The following DKC1 variants were observed in gnomAD, a reference collection of about 807,000 sequenced individuals.
DKC1 encodes the protein H/ACA ribonucleoprotein complex subunit DKC1.
DKC1 carries 4 observed loss-of-function variants against 46.7 expected under a neutral mutation model. That is an observed-to-expected ratio of 0.09 (90% CI 0.04 to 0.20). DKC1 has a LOEUF of 0.20. Ranked by LOEUF, DKC1 falls within the 10% of genes least tolerant of loss-of-function variation. The pLI, the probability that DKC1 is intolerant of heterozygous loss-of-function variation, is 1.00. For synonymous variants in DKC1, 141 were observed against 142.4 expected (o/e 0.99, Z 0.07); for missense variants, 171 against 404.2 (o/e 0.42, Z 4.95).
At chrX:154,773,744 C>A (rs1428569511) in intron 11 of DKC1, among the ~76,000 whole-genome samples, 1 of 112,401 alleles carries the variant, frequency 8.9e-6, no homozygotes, top group Non-Finnish European at 1.9e-5. Context: ...TCAATCTTTT[C>A]CCCACCTTTC....
Position 154,770,690 on chromosome X carries a change from T to G in DKC1, c.916-69T>G, listed in dbSNP as rs2071812398. On this transcript the variant is annotated intron_variant, in intron 9 of 14. Transcript: ENST00000369550. ...AGGCCCCACTCCCTTGTTGTCCTCC[T>G]TTACTCTGGTGTGGGAGTGGGGTGG... 2.5e-6 allele frequency: 3 copies of G among 1,195,353 alleles called. No homozygotes were observed. In the South Asian group the frequency reaches 5.3e-5, roughly 21 times the overall value.
At chrX:154,766,150 A>G (rs1239166889) in intron 4 of DKC1, 66 bp from the exon 5 acceptor site, 2 of 1,115,273 alleles carry the variant, frequency 1.8e-6, no homozygotes, top group Non-Finnish European at 2.5e-6. Context: ...TTAACTTTTC[A>G]GATTTGTTGT....
intron 10 of DKC1, 34 bp downstream of exon 10, chrX:154,770,913 T>C: frequency 8.4e-7 from 1 of 1,197,441 alleles, no homozygotes. Flanking sequence ...AAATTCTAAA[T>C]GTTTGTGGTT....
In DKC1 at chrX:154,768,238, C is replaced by A. The variant is rs782352934; in HGVS notation, c.641-64C>A. The A allele has an allele frequency of 2.9e-5, 34 of 1,178,488 alleles. No homozygotes were observed. The African/African-American group carries it at 5.8e-4, about 20-fold the overall frequency. On this transcript the variant is annotated intron_variant, in intron 7 of 14. Coordinates refer to ENST00000369550, the MANE Select transcript of DKC1 (RefSeq NM_001363.5). ...TGGTGGCTCAGATGAAGGATAACTG[C>A]ATTTCTCAACCAGTGATGTATTTAC...
Position 154,763,878 on chromosome X carries a change from A to G in DKC1, c.16+897A>G, listed in dbSNP as rs188300620. Among the ~76,000 whole-genome samples the G allele has an allele frequency of 5.4e-5, 6 of 111,884 alleles. No individual in the cohort carries two copies. In the East Asian group the frequency reaches 1.7e-3, roughly 31 times the overall value. On this transcript the variant is annotated intron_variant, in intron 1 of 14. Coordinates refer to ENST00000369550, the MANE Select transcript of DKC1 (RefSeq NM_001363.5). ...TCTAAGCAGAAAAAGGACAGTAAAAATATAGCACAGGGCCGGGCGCGGTGG... is the reference window on the plus strand; with the variant it reads ...TCTAAGCAGAAAAAGGACAGTAAAAGTATAGCACAGGGCCGGGCGCGGTGG...
At chrX:154,768,968 T>C (rs1557264604) in intron 8 of DKC1, among the ~76,000 whole-genome samples, 199 bp from the exon 9 acceptor site, 1 of 80,354 alleles carries the variant, frequency 1.2e-5, no homozygotes, top group Non-Finnish European at 2.2e-5. Flanking sequence ...CAGTCCCACC[T>C]GGGCGACAGA....
chrX:154,776,606 C>G (rs2071899792), intron 14 of DKC1, among the ~76,000 whole-genome samples, 193 bp from the exon 15 acceptor site: 1 of 111,670 alleles, frequency 9.0e-6, no homozygotes, highest in South Asian at 3.8e-4. Context: ...TTTCCACTTC[C>G]AAAAGTAGAC....
chrX:154,775,086 C>A, intron 12 of DKC1, 109 bp from the exon 13 acceptor site: 2 of 745,244 alleles, frequency 2.7e-6, no homozygotes, highest in East Asian at 3.2e-5. Flanking sequence ...TTCTGTCCAG[C>A]GTCAGTATTT....
chrX:154,766,170 G>A (rs937375691), intron 4 of DKC1, 46 bp from the exon 5 acceptor site: 1 of 1,138,671 alleles, frequency 8.8e-7, no homozygotes, highest in African/African-American at 1.8e-5. Flanking sequence ...TTTCACTGGA[G>A]CATTAAGAGT....
intron 2 of DKC1, 143 bp from the exon 3 acceptor site, chrX:154,765,301 C>T (rs782160747): frequency 6.6e-5 from 38 of 579,987 alleles, no homozygotes; most frequent in Non-Finnish European, 9.5e-5. Context: ...TTCATTTCTT[C>T]TCTCTCTTTC....
intron 14 of DKC1, 113 bp from the exon 15 acceptor site, chrX:154,776,686 C>A: frequency 1.3e-6 from 1 of 762,344 alleles, no homozygotes; most frequent in Non-Finnish European, 2.0e-6. Flanking sequence ...AATATCCTTA[C>A]AGGTCCTGAA....
rs1603429509 is a variant in DKC1, at chrX:154,769,320, G to A, written c.915+10G>A. 2 of 1,208,920 alleles carry A rather than the reference G, an allele frequency of 1.7e-6. No individual in the cohort carries two copies. Among genetic ancestry groups the A allele is most frequent in the Non-Finnish European group, 2.2e-6 (2 of 892,962 alleles). On this transcript the variant is annotated intron_variant, in intron 9 of 14. Transcript: ENST00000369550. ...TATGAAAGACAGTGCAGTAAGTTCC[G>A]GGTTAGGAGTTTATATTTGGAAAGA...
intron 9 of DKC1, among the ~76,000 whole-genome samples, chrX:154,770,013 G>C (rs2071801105): frequency 9.0e-6 from 1 of 111,415 alleles, no homozygotes; most frequent in African/African-American, 3.3e-5. Flanking sequence ...TATAAATTCT[G>C]CACCAAGACT....
chrX:154,766,219 A>C lies in DKC1; in HGVS notation c.267A>C (p.Thr89=), dbSNP rs782604353. ...LKREIGDYIR[T]GFINLDKPSN... ...ATTTTTTTTTTTTCCATTCCAGGAC[A>C]GGTTTCATTAATCTTGACAAGCCCT... is the stretch of plus-strand genomic sequence containing the variant. The change falls in exon 5 of 15, where the codon ACA becomes ACC. Residue 89 remains threonine (T), a synonymous_variant. Transcript: ENST00000369550. The C allele has an allele frequency of 2.4e-5, 29 of 1,206,108 alleles. No homozygotes were observed. The highest frequency in any genetic ancestry group is 4.4e-5 in the Admixed American group (2 of 45,489).
chrX:154,765,218 C>A, intron 2 of DKC1: 1 of 477,643 alleles, frequency 2.1e-6, no homozygotes, highest in Non-Finnish European at 3.7e-6. Context: ...CACCCACAGA[C>A]CCGCCATCCC....
intron 11 of DKC1, among the ~76,000 whole-genome samples, chrX:154,773,473 A>G (rs2071851357): frequency 1.8e-5 from 2 of 108,817 alleles, no homozygotes; most frequent in Admixed American, 1.9e-4. Context: ...TGTGTCCCTG[A>G]TTACTTGAGA....
chrX:154,767,179 G>A (rs1456882649), intron 6 of DKC1, 77 bp from the exon 7 acceptor site: 10 of 1,195,185 alleles, frequency 8.4e-6, no homozygotes, highest in Non-Finnish European at 9.1e-6. Context: ...TCAGTCGGCT[G>A]CTGCAGCCAG....
chrX:154,767,433 T>C, intron 7 of DKC1, 51 bp downstream of exon 7: 1 of 1,197,045 alleles, frequency 8.4e-7, no homozygotes, highest in African/African-American at 1.7e-5. Context: ...CAGGATTCTG[T>C]TCTCTTATTA....
chrX:154,767,174 C>T (rs782422741), intron 6 of DKC1, 82 bp from the exon 7 acceptor site: 16 of 1,190,628 alleles, frequency 1.3e-5, no homozygotes, highest in Admixed American at 2.2e-5. Context: ...CCTTTTCAGT[C>T]GGCTGCTGCA....
Sources: gnomAD v4.1 joint callset for allele counts (sites outside exome capture counted in the v4.1 genomes callset) on GRCh38, gnomAD v4.1.1 for gene constraint, MANE v1.5 for transcripts, NCBI Gene and HGNC (gene_info 2026-07-23, HGNC 2026-07-21) for gene names.